TLCD1: variants seen among roughly 807,000 people sequenced by gnomAD.
The protein encoded by TLCD1 is TLC domain-containing protein 1.
A neutral mutation model predicts 21.2 loss-of-function variants in TLCD1; 21 were observed. The ratio of observed to expected loss-of-function variants is 0.99; its 90% confidence interval spans 0.70 to 1.42. The LOEUF (loss-of-function observed/expected upper bound fraction) is 1.42, where lower values mean the gene tolerates loss of function less well. TLCD1 is among the 40% of genes most tolerant of loss of function. TLCD1 has a pLI of 0.00. For synonymous variants in TLCD1, 168 were observed against 134.8 expected, an observed-to-expected ratio of 1.25 and a Z score of -1.71; for missense variants, 344 against 330.3, an observed-to-expected ratio of 1.04 and a Z score of -0.32.
At chr17:28,727,159 A>G (rs1346647995), upstream of TLCD1, 1 of 224,598 alleles carries the variant, frequency 4.5e-6, no homozygotes, top group Non-Finnish European at 8.8e-6. Context: ...GAGGGAGAAG[A>G]GGGTAGTAAT....
Position 28,724,359 on chromosome 17 carries a change from A to T in TLCD1, c.*151T>A. Reference sequence around the variant, plus strand: ...TAAAGGACAAGGACTTCAGAGGAGTACTTTCATTAGTGTTTTCAATAGTGT... The same window carrying T: ...TAAAGGACAAGGACTTCAGAGGAGTTCTTTCATTAGTGTTTTCAATAGTGT... On this transcript the variant is annotated 3_prime_UTR_variant, in exon 4 of 4. Transcript: ENST00000292090. The T allele has an allele frequency of 1.0e-6, 1 of 993,596 alleles. No individual in the cohort carries two copies. Among genetic ancestry groups the T allele is most frequent in the Non-Finnish European group, 1.5e-6 (1 of 670,438 alleles). 61.5% of individuals were successfully genotyped at this position (993,596 alleles called of 1,614,324 possible). A position where few individuals can be genotyped will look rare whatever the true frequency, so the allele number is the denominator to read the frequency against.
At chr17:28,726,594 T>C (rs1159383975), upstream of TLCD1, among the ~76,000 whole-genome samples, 1 of 151,846 alleles carries the variant, frequency 6.6e-6, no homozygotes, top group East Asian at 1.9e-4. Flanking sequence ...CTCTCCGCCC[T>C]CTACTTTCTG....
rs201938076 is a variant in TLCD1 at position 28,725,353 on chromosome 17, G to A, written c.311C>T (p.Ala104Val). The change falls in exon 3 of 4, where the codon GCT becomes GTT. Residue 104 changes from alanine (A) to valine (V), a missense_variant. Physicochemically the swap from Ala to Val is moderately conservative, Grantham distance 64. Coordinates refer to ENST00000292090, the MANE Select transcript of TLCD1 (RefSeq NM_138463.4). Reference protein sequence around the residue: ...YFIHDTVDIVASGQTRASWEY... With the variant: ...YFIHDTVDIVVSGQTRASWEY... Reference sequence around the variant, plus strand: ...CCAAGAGGCTCGCGTCTGTCCGCTAGCCACGATGTCCACCGTATCGTGGAT... The same window carrying A: ...CCAAGAGGCTCGCGTCTGTCCGCTAACCACGATGTCCACCGTATCGTGGAT... 6 of 1,614,182 alleles carry A rather than the reference G, an allele frequency of 3.7e-6. No homozygotes were observed. The Admixed American group carries it at 1.0e-4, about 27-fold the overall frequency.
rs2034172425 is a variant in TLCD1 at position 28,724,357 on chromosome 17, G to C, written c.*153C>G. 6 of 990,346 alleles carry C rather than the reference G, an allele frequency of 6.1e-6. No individual in the cohort carries two copies. In the East Asian group the frequency reaches 1.4e-4, roughly 24 times the overall value. The allele number at this position is 990,346 out of a possible 1,614,324, so 61.3% of individuals were successfully genotyped here. On this transcript the variant is annotated 3_prime_UTR_variant, in exon 4 of 4. Transcript: ENST00000292090. ...AATAAAGGACAAGGACTTCAGAGGA[G>C]TACTTTCATTAGTGTTTTCAATAGT...
rs775363892 is a variant in TLCD1, at chr17:28,725,538, C to G, written c.220G>C (p.Val74Leu). The change falls in exon 2 of 4, where the codon GTG becomes CTG. Residue 74 changes from valine (V) to leucine (L), a missense_variant. Coordinates refer to ENST00000292090, the MANE Select transcript of TLCD1 (RefSeq NM_138463.4). ...LCVWQTPDML[V>L]EIETAWSLSG... ...AGTGACCACGCCGTCTCAATCTCCA[C>G]TAACATGTCAGGAGTCTGCCATACA... 18 of 1,614,072 alleles carry G rather than the reference C, an allele frequency of 1.1e-5. No homozygotes were observed. In the Admixed American group the frequency reaches 2.2e-4, roughly 19 times the overall value.
rs138741909 is a variant in TLCD1 at position 28,725,245 on chromosome 17, G to A, written c.360+59C>T. 1.3e-3 allele frequency: 2,014 copies of A among 1,571,972 alleles called. 4 individuals carry two copies. The highest frequency in any genetic ancestry group is 1.6e-3 in the Non-Finnish European group (1,816 of 1,144,202). ...GGCCTTCTCCCAGATTCAGAAAGAC[G>A]GAGCTGAGACTAGATTACTGACACC... On this transcript the variant is annotated intron_variant, in intron 3 of 3. Transcript: ENST00000292090.
intron 1 of TLCD1, 85 bp downstream of exon 1, chr17:28,725,819 G>C: frequency 6.6e-7 from 1 of 1,505,480 alleles, no homozygotes; most frequent in South Asian, 1.3e-5. Context: ...CCGCCAGTGA[G>C]CGATGGGGGT....
Position 28,724,665 on chromosome 17 carries a change from A to G in TLCD1, c.589T>C (p.Tyr197His). 2 of 1,614,186 alleles carry G rather than the reference A, an allele frequency of 1.2e-6. No homozygotes were observed. The highest frequency in any genetic ancestry group is 1.1e-5 in the South Asian group (1 of 91,084). The change falls in exon 4 of 4, where the codon TAT (tyrosine) becomes CAT (histidine). Residue 197 changes from tyrosine to histidine, a missense_variant. By Grantham distance (83) the Tyr-to-His change is moderately conservative. Coordinates refer to ENST00000292090, the MANE Select transcript of TLCD1 (RefSeq NM_138463.4). ...GTGCCCAGGGTCCTCTGGTTCACAT[A>G]ACGCAAGAAGAAATGGGTGAGGTAG... Reference protein sequence around the residue: ...QAYLTHFFLRYVNQRTLGTFL... With the variant: ...QAYLTHFFLRHVNQRTLGTFL...
chr17:28,726,721 C>T (rs997752957), upstream of TLCD1: 14 of 1,545,614 alleles, frequency 9.1e-6, no homozygotes, highest in Admixed American at 1.8e-4. Context: ...CCTACCGCAC[C>T]ACTCGCAGTC....
chr17:28,726,724 T>G, upstream of TLCD1: 1 of 1,546,310 alleles, frequency 6.5e-7, no homozygotes, highest in Non-Finnish European at 8.7e-7. Flanking sequence ...ACCGCACCAC[T>G]CGCAGTCTTC....
rs766530763 is a variant in TLCD1 at position 28,724,475 on chromosome 17, C to G, written c.*35G>C. ...GTGTCCATATGAAGCTGTTTCTGGC[C>G]TTGTCCGTTTTTGTTGTCCCAGGCT... On this transcript the variant is annotated 3_prime_UTR_variant, in exon 4 of 4. Transcript: ENST00000292090. 1.6e-5 allele frequency: 26 copies of G among 1,598,448 alleles called. No individual in the cohort carries two copies. The highest frequency in any genetic ancestry group is 1.0e-4 in the Admixed American group (6 of 59,340).
upstream of TLCD1, chr17:28,726,948 A>T: frequency 1.2e-6 from 1 of 803,098 alleles, no homozygotes; most frequent in Non-Finnish European, 2.0e-6. Context: ...AGCTGGAGTG[A>T]CCCGCGCTCT....
intron 3 of TLCD1, 126 bp downstream of exon 3, chr17:28,725,175 CATA>C: frequency 9.2e-7 from 1 of 1,085,974 alleles, no homozygotes; most frequent in Non-Finnish European, 1.3e-6. Context: ...AGCATCCTAG[CATA>C]AGAAGTAGCA....
rs541752750 is a variant in TLCD1 at position 28,725,887 on chromosome 17, C to CA, written c.194+16dup. 9.9e-4 allele frequency: 1,589 copies of CA among 1,609,588 alleles called. 2 individuals are homozygous for CA. Among genetic ancestry groups the CA allele is most frequent in the Non-Finnish European group, 1.3e-3 (1,531 of 1,178,626 alleles). On this transcript the variant is annotated intron_variant, in intron 1 of 3. Coordinates refer to ENST00000292090, the MANE Select transcript of TLCD1 (RefSeq NM_138463.4). ...CAGGATCCCCTGGCCACCTCATTTC[C>CA]ACAGTCGCTCACTCACCACAGCAGT...
upstream of TLCD1, among the ~76,000 whole-genome samples, chr17:28,726,451 G>A (rs1227112574): frequency 6.6e-6 from 1 of 151,952 alleles, no homozygotes; most frequent in East Asian, 1.9e-4. Flanking sequence ...TCGTCGCCGA[G>A]ACACCCCTCG....
At chr17:28,726,524 G>T (rs2034234317), upstream of TLCD1, among the ~76,000 whole-genome samples, 1 of 151,962 alleles carries the variant, frequency 6.6e-6, no homozygotes, top group African/African-American at 2.4e-5. Flanking sequence ...TCATTAACCC[G>T]CGTCCCCACT....
chr17:28,727,101 G>GGAGCAGCTGAGAGCCA (rs1454629428), upstream of TLCD1, among the ~76,000 whole-genome samples: 6 of 152,186 alleles, frequency 3.9e-5, no homozygotes, highest in Non-Finnish European at 8.8e-5. Flanking sequence ...GGCGAAAGGA[G>GGAGCAGCTGAGAGCCA]GAGCAGCTGA....
rs2034182668 is a variant in TLCD1, at chr17:28,724,709, A to T, written c.545T>A (p.Phe182Tyr). ...GAGGTAGGCCTGAGGGGCCAGGCGG[A>T]AGAGAAAGTACATGACCAGGTTCAC... is the stretch of plus-strand genomic sequence containing the variant. ...KYVNLVMYFL[F>Y]RLAPQAYLTH... Residue 182 changes from phenylalanine to tyrosine, a missense_variant, in exon 4 of 4, where the codon TTC becomes TAC. Transcript: ENST00000292090. The T allele has an allele frequency of 1.9e-6, 3 of 1,614,032 alleles. No individual in the cohort carries two copies. Among genetic ancestry groups the T allele is most frequent in the Non-Finnish European group, 2.5e-6 (3 of 1,180,040 alleles).
At chr17:28,725,024 G>A (rs1156368379) in intron 3 of TLCD1, 131 bp from the exon 4 acceptor site, 2 of 1,047,362 alleles carry the variant, frequency 1.9e-6, no homozygotes, top group Non-Finnish European at 2.7e-6. Flanking sequence ...TTTATAGTGG[G>A]TAAGATGCTT....
Sources: gnomAD v4.1 joint callset for allele counts (sites outside exome capture counted in the v4.1 genomes callset) on GRCh38, gnomAD v4.1.1 for gene constraint, MANE v1.5 for transcripts, NCBI Gene and HGNC (gene_info 2026-07-23, HGNC 2026-07-21) for gene names.